Variants in MCM7 observed in about 807,000 individuals in gnomAD.
MCM7 encodes the protein minichromosome maintenance complex component 7, also known as DNA replication licensing factor MCM7.
A neutral mutation model predicts 83.5 loss-of-function variants in MCM7; 95 were observed. The observed-to-expected ratio is 1.14, with a 90% CI of 0.96 to 1.35. The LOEUF is 1.35. MCM7 is among the 40% of genes most tolerant of loss of function. MCM7 has a pLI of 0.00. For synonymous variants in MCM7, 461 were observed against 352.7 expected (o/e 1.31, Z -3.44); for missense variants, 1,087 against 957.4 (o/e 1.14, Z -1.79).
chr7:100,101,222 G>A (rs760069480), intron 1 of MCM7, 42 bp downstream of exon 1: 7 of 1,611,290 alleles, frequency 4.3e-6, no homozygotes, highest in Non-Finnish European at 5.9e-6. Flanking sequence ...TCCCCGGGAG[G>A]CTCCCCGCGC....
At position 100,097,953 on chromosome 7, in the gene MCM7, G is replaced by A. The variant is rs764129697; in HGVS notation, c.871-5C>T. The A allele has an allele frequency of 6.0e-5, 97 of 1,613,134 alleles. No homozygotes were observed. Among genetic ancestry groups the A allele is most frequent in the Middle Eastern group, 1.6e-4 (1 of 6,084 alleles). ...GTAGGTTTCTGAGAGTAAACCCTTG[G>A]GCAGGAAAATGCCAGGATACAGATG... On this transcript the variant is annotated splice_polypyrimidine_tract_variant and splice_region_variant and intron_variant, in intron 7 of 14. Transcript: ENST00000303887.
chr7:100,095,351 C>T (rs575350245), intron 12 of MCM7, 36 bp downstream of exon 12: 17 of 1,584,454 alleles, frequency 1.1e-5, no homozygotes, highest in South Asian at 6.8e-5. Flanking sequence ...GCACGGCCCA[C>T]GCCAACGTTT....
Position 100,095,935 on chromosome 7 carries a change from G to A in MCM7, c.1434C>T (p.Leu478=). 1.2e-6 allele frequency: 2 copies of A among 1,614,070 alleles called. No individual in the cohort carries two copies. The highest frequency in any genetic ancestry group is 1.7e-6 in the Non-Finnish European group (2 of 1,180,008). The change falls in exon 11 of 15, where the codon CTC becomes CTT. Residue 478 remains leucine, a synonymous_variant. Coordinates refer to ENST00000303887, the MANE Select transcript of MCM7 (RefSeq NM_005916.5). The stretch of plus-strand genomic sequence containing the variant: ...CAGCCAGGATGGAGCAGCGGGCATT[G>A]AGTGTGGTGAGAATGCCGGCCTTGG... ...SIAKAGILTT[L]NARCSILAAA... is the part of the protein sequence containing the mutation.
At chr7:100,093,449 G>T (rs1795433004) in intron 13 of MCM7, 48 bp from the exon 14 acceptor site, 1 of 1,554,146 alleles carries the variant, frequency 6.4e-7, no homozygotes, top group Non-Finnish European at 8.9e-7. Flanking sequence ...GAGGGCAGTG[G>T]AACGAGGTCA....
intron 5 of MCM7, 98 bp from the exon 6 acceptor site, chr7:100,098,813 T>C (rs1795779570): frequency 6.0e-6 from 9 of 1,511,270 alleles, no homozygotes; most frequent in Admixed American, 5.7e-5. Context: ...GGCAGACATC[T>C]TGTAAGTGTC....
At chr7:100,096,304 C>T (rs1233318422) in intron 10 of MCM7, 137 bp from the exon 11 acceptor site, 11 of 839,742 alleles carry the variant, frequency 1.3e-5, no homozygotes, top group East Asian at 5.5e-5. Context: ...TTGAGATGCC[C>T]GAGGATCTGT....
At position 100,098,310 on chromosome 7, in the gene MCM7, A is replaced by G. The variant is rs368463824; in HGVS notation, c.721-20T>C. ...ATCACTCTAGGGGAGGGAAAGGCAC[A>G]TAAGACTAGGAGAAATGGACAAGGA... is the stretch of plus-strand genomic sequence containing the variant. On this transcript the variant is annotated intron_variant, in intron 6 of 14. Coordinates refer to ENST00000303887, the MANE Select transcript of MCM7 (RefSeq NM_005916.5). The G allele has an allele frequency of 1.3e-5, 21 of 1,613,206 alleles. No homozygotes were observed. The African/African-American group carries it at 2.1e-4, about 16-fold the overall frequency.
At position 100,093,150 on chromosome 7, in the gene MCM7, GGTGT is replaced by G; in HGVS notation, c.1959-21_1959-18del. ...CTCTGAGTCCTGAAGGAAATGAGTG[GGTGT>G]GTAAGGTCAGGATACAAACAGGAAT... On this transcript the variant is annotated intron_variant, in intron 14 of 14. Transcript: ENST00000303887. The G allele has an allele frequency of 6.2e-7, 1 of 1,612,068 alleles. No homozygotes were observed. The highest frequency in any genetic ancestry group is 8.5e-7 in the Non-Finnish European group (1 of 1,178,622).
In MCM7 at chr7:100,100,104, A is replaced by G. The variant is rs755474181; in HGVS notation, c.32-11T>C. ...ACTTCTTAACCTTTTCTGTAACATG[A>G]AATGTAAAACCGTAAGACACAAACT... On this transcript the variant is annotated splice_polypyrimidine_tract_variant and intron_variant, in intron 1 of 14. Coordinates refer to ENST00000303887, the MANE Select transcript of MCM7 (RefSeq NM_005916.5). 2 of 1,613,766 alleles carry G rather than the reference A, an allele frequency of 1.2e-6. No homozygotes were observed. Among genetic ancestry groups the G allele is most frequent in the South Asian group, 2.2e-5 (2 of 90,980 alleles).
intron 3 of MCM7, 87 bp downstream of exon 3, chr7:100,099,502 G>A: frequency 1.3e-6 from 2 of 1,586,038 alleles, no homozygotes; most frequent in Non-Finnish European, 1.7e-6. Context: ...CTTTCTGCCT[G>A]CTCAGAAAAC....
Position 100,099,202 on chromosome 7 carries a change from C to T in MCM7, c.403G>A (p.Glu135Lys). The change falls in exon 5 of 15, where the codon GAG becomes AAG. Residue 135 changes from glutamate (E) to lysine (K), a missense_variant and splice_region_variant. Transcript: ENST00000303887. ...CTGCTAGGGCCTTGAAAATACAGCTCACTAAGGGGAGAAAACAGTCACAAA... is the reference window on the plus strand; with the variant it reads ...CTGCTAGGGCCTTGAAAATACAGCTTACTAAGGGGAGAAAACAGTCACAAA... ...QYPAELMRRF[E>K]LYFQGPSSNK... 3 of 1,614,080 alleles carry T rather than the reference C, an allele frequency of 1.9e-6. No individual in the cohort carries two copies. The highest frequency in any genetic ancestry group is 1.3e-5 in the African/African-American group (1 of 75,000).
In MCM7 at chr7:100,101,274, C is replaced by G. The variant is rs201039171; in HGVS notation, c.21G>C (p.Ala7=). ...CTCGTAGACCCGTACCCTTCTCTAG[C>G]GCGTAGTCCTTCAGTGCCATCGCTG... MALKDY[A]LEKEKVKKFL... The change falls in exon 1 of 15, where the codon GCG becomes GCC. Residue 7 remains alanine, a synonymous_variant. Coordinates refer to ENST00000303887, the MANE Select transcript of MCM7 (RefSeq NM_005916.5). 6 of 1,613,274 alleles carry G rather than the reference C, an allele frequency of 3.7e-6. No homozygotes were observed. The African/African-American group carries it at 6.7e-5, about 18-fold the overall frequency.
chr7:100,096,359 A>G (rs1795635841), intron 10 of MCM7, among the ~76,000 whole-genome samples, 192 bp from the exon 11 acceptor site: 1 of 152,148 alleles, frequency 6.6e-6, no homozygotes, highest in African/African-American at 2.4e-5. Context: ...GGTTCTCTTC[A>G]GAACACAACT....
intron 13 of MCM7, chr7:100,093,686 T>C (rs377039189): frequency 4.9e-5 from 34 of 698,544 alleles, no homozygotes; most frequent in Middle Eastern, 2.5e-4. Flanking sequence ...CCAGACCCTT[T>C]TGAACGCCAC....
intron 1 of MCM7, chr7:100,100,615 G>A: frequency 1.0e-6 from 1 of 990,710 alleles, no homozygotes; most frequent in Non-Finnish European, 1.2e-6. Flanking sequence ...CCAGCCATTG[G>A]CCATCACACC....
intron 10 of MCM7, among the ~76,000 whole-genome samples, chr7:100,097,054 TA>T (rs1243974188): frequency 6.6e-6 from 1 of 152,088 alleles, no homozygotes; most frequent in Non-Finnish European, 1.5e-5. Context: ...TGAACCGAGA[TA>T]GCGCCACTGC....
rs772201486 is a variant in MCM7 at position 100,095,830 on chromosome 7, GGA to G, written c.1537_1538del (p.Ser513ProfsTer3). The G allele has an allele frequency of 2.5e-6, 4 of 1,608,758 alleles. No homozygotes were observed. Among genetic ancestry groups the G allele is most frequent in the Non-Finnish European group, 3.4e-6 (4 of 1,177,876 alleles). On this transcript the variant is annotated frameshift_variant, in exon 11 of 15. Transcript: ENST00000303887. LOFTEE classifies it high-confidence loss of function. ...GAATCAGCCAGAGGAGGTCAAACCG[GGA>G]GAGCAGTGCAGCAGGTAGCTGTATG... ...QNIQLPAALL[S>X]RFDLLWLIQD...
At position 100,093,184 on chromosome 7, in the gene MCM7, G is replaced by A. The variant is rs139754167; in HGVS notation, c.1959-51C>T. The A allele has an allele frequency of 4.7e-5, 75 of 1,601,036 alleles. No homozygotes were observed. In the East Asian group the frequency reaches 5.8e-4, roughly 12 times the overall value. ...GGTCAGGATACAAACAGGAATGCTC[G>A]ACATCAACAGAGAACAATGGTGGCC... On this transcript the variant is annotated intron_variant, in intron 14 of 14. Coordinates refer to ENST00000303887, the MANE Select transcript of MCM7 (RefSeq NM_005916.5).
Position 100,098,310 on chromosome 7 carries a change from A to T in MCM7, c.721-20T>A, listed in dbSNP as rs368463824. On this transcript the variant is annotated intron_variant, in intron 6 of 14. Coordinates refer to ENST00000303887, the MANE Select transcript of MCM7 (RefSeq NM_005916.5). ...ATCACTCTAGGGGAGGGAAAGGCAC[A>T]TAAGACTAGGAGAAATGGACAAGGA... 6.2e-7 allele frequency: 1 copy of T among 1,613,206 alleles called. No homozygotes were observed. The highest frequency in any genetic ancestry group is 8.5e-7 in the Non-Finnish European group (1 of 1,179,456).
Sources: allele counts gnomAD v4.1 joint callset (sites outside exome capture counted in the v4.1 genomes callset), GRCh38; gene constraint gnomAD v4.1.1; transcripts MANE v1.5; gene names NCBI Gene and HGNC (gene_info 2026-07-23, HGNC 2026-07-21).